Variants in OSBP2 observed in about 807,000 individuals in gnomAD.
OSBP2 encodes the protein oxysterol binding protein 2.
A neutral mutation model predicts 96.0 loss-of-function variants in OSBP2; 66 were observed. That is an observed-to-expected ratio of 0.69 (90% CI 0.56 to 0.84). OSBP2 has a LOEUF of 0.84. Ranked by LOEUF, OSBP2 falls within the 40% of genes least tolerant of loss-of-function variation. The pLI, the probability that OSBP2 is intolerant of heterozygous loss-of-function variation, is 0.00. For synonymous variants in OSBP2, 525 were observed against 520.9 expected, an observed-to-expected ratio of 1.01 and a Z score of -0.11; for missense variants, 1,038 against 1,222.7, an observed-to-expected ratio of 0.85 and a Z score of 2.25.
At chr22:30,706,751 C>G (rs1444759665) in intron 1 of OSBP2, among the ~76,000 whole-genome samples, 1 of 152,132 alleles carries the variant, frequency 6.6e-6, no homozygotes, top group Non-Finnish European at 1.5e-5. Flanking sequence ...CTTTGCAAGC[C>G]ACATGTGTTT....
At chr22:30,784,434 A>AT (rs901684332) in intron 2 of OSBP2, among the ~76,000 whole-genome samples, 14 of 150,976 alleles carry the variant, frequency 9.3e-5, no homozygotes, top group Admixed American at 2.0e-4. Flanking sequence ...AAAAAAAAAA[A>AT]TTTTTTTAAA....
chr22:30,890,782 T>G lies in OSBP2; in HGVS notation c.1678T>G (p.Tyr560Asp). ...CCAGCGGCTGACAGAGGACCTGGAG[T>G]ACCACCACCTGCTGGACAAGGCAGT... is the stretch of plus-strand genomic sequence containing the variant. ...MLQRLTEDLE[Y>D]HHLLDKAVHC... The change falls in exon 8 of 14, where the codon TAC becomes GAC. Residue 560 changes from tyrosine (Y) to aspartate (D), a missense_variant. Around this residue, in one of 3 missense-constraint regions of OSBP2, gnomAD observed 737 missense variants for 913.3 expected, o/e 0.81. Transcript: ENST00000332585. The surrounding 1 kb of genome is among the most constrained non-coding windows in gnomAD (Gnocchi z 4.4). 1 of 1,613,190 alleles carries G rather than the reference T, an allele frequency of 6.2e-7. No individual in the cohort carries two copies. Among genetic ancestry groups the G allele is most frequent in the Non-Finnish European group, 8.5e-7 (1 of 1,179,916 alleles).
At chr22:30,810,122 A>G (rs911567202) in intron 2 of OSBP2, among the ~76,000 whole-genome samples, 4 of 152,118 alleles carry the variant, frequency 2.6e-5, no homozygotes, top group Non-Finnish European at 5.9e-5. Context: ...ATATGGAGCT[A>G]TGGACATGGA....
intron 1 of OSBP2, among the ~76,000 whole-genome samples, chr22:30,709,516 T>C (rs551570668): frequency 6.6e-6 from 1 of 151,914 alleles, no homozygotes; most frequent in African/African-American, 2.4e-5. Context: ...TTTTGTTTGT[T>C]TGTTTTTTGT....
intron 2 of OSBP2, among the ~76,000 whole-genome samples, chr22:30,832,489 C>T (rs982960747): frequency 4.0e-5 from 6 of 151,714 alleles, no homozygotes; most frequent in Non-Finnish European, 7.4e-5. Context: ...TGGGGTTTTG[C>T]TATGTTGCCC....
intron 2 of OSBP2, among the ~76,000 whole-genome samples, chr22:30,758,526 G>A (rs1039894454): frequency 6.6e-6 from 1 of 152,206 alleles, no homozygotes; most frequent in Non-Finnish European, 1.5e-5. Flanking sequence ...CAGGTGGTGA[G>A]GTTACAATTT....
At position 30,768,628 on chromosome 22, in the gene OSBP2, G is replaced by T. The variant is rs2090308323; in HGVS notation, c.853+27259G>T. Among the ~76,000 whole-genome samples, 3 of 151,552 alleles carry T rather than the reference G, an allele frequency of 2.0e-5. No homozygotes were observed. The South Asian group carries it at 6.2e-4, about 31-fold the overall frequency. On this transcript the variant is annotated intron_variant, in intron 2 of 13. Coordinates refer to ENST00000332585, the MANE Select transcript of OSBP2 (RefSeq NM_030758.4). ...GGAGGCCCAGATTGCAGTGAGCCAA[G>T]ATCACACCATTGCACTCCAGCCTGG... is the stretch of plus-strand genomic sequence containing the variant.
intron 12 of OSBP2, 53 bp from the exon 13 acceptor site, chr22:30,905,784 G>C: frequency 1.2e-6 from 2 of 1,601,686 alleles, no homozygotes; most frequent in Non-Finnish European, 1.7e-6. Context: ...GGCCGGGTAG[G>C]TGTGGTCCGG....
At chr22:30,763,582 G>T (rs1422234688) in intron 2 of OSBP2, among the ~76,000 whole-genome samples, 1 of 149,652 alleles carries the variant, frequency 6.7e-6, no homozygotes, top group Admixed American at 6.7e-5. Context: ...GGAGGTGGAG[G>T]TTGCAGTGAG....
Position 30,906,045 on chromosome 22 carries a change from G to C in OSBP2, c.2584G>C (p.Gly862Arg). ...RRRRLEACGP[G>R]SSCSSEEEKE... ...CCGGCGGCTGGAGGCCTGCGGGCCG[G>C]GCAGCAGCTGCAGCTCGGAGGAAGG... Residue 862 changes from glycine (G) to arginine (R), a missense_variant, in exon 13 of 14, where the codon GGC becomes CGC. Coordinates refer to ENST00000332585, the MANE Select transcript of OSBP2 (RefSeq NM_030758.4). 1 of 1,565,114 alleles carries C rather than the reference G, an allele frequency of 6.4e-7. No homozygotes were observed.
At chr22:30,892,617 G>A (rs2039973299) in intron 8 of OSBP2, among the ~76,000 whole-genome samples, 1 of 152,126 alleles carries the variant, frequency 6.6e-6, no homozygotes, top group Non-Finnish European at 1.5e-5. Flanking sequence ...GGGAGGGCCG[G>A]GCCCGGGGCA....
intron 2 of OSBP2, among the ~76,000 whole-genome samples, chr22:30,753,511 G>C (rs767047848): frequency 7.2e-5 from 11 of 152,144 alleles, no homozygotes; most frequent in Non-Finnish European, 1.3e-4. Flanking sequence ...TTCCCTTGAA[G>C]CTGAGGGTAT....
At chr22:30,793,353 G>A (rs560252606) in intron 2 of OSBP2, among the ~76,000 whole-genome samples, 1 of 152,246 alleles carries the variant, frequency 6.6e-6, no homozygotes, top group South Asian at 2.1e-4. Context: ...TCACACCACT[G>A]CACTCCAGCC....
At chr22:30,872,406 C>T (rs972687912) in intron 3 of OSBP2, 6 of 456,198 alleles carry the variant, frequency 1.3e-5, no homozygotes, top group Middle Eastern at 3.2e-4. Context: ...AGATAATGAG[C>T]GTCTCAGCTG....
intron 2 of OSBP2, among the ~76,000 whole-genome samples, chr22:30,766,548 G>A (rs2090272632): frequency 6.6e-6 from 1 of 152,170 alleles, no homozygotes; most frequent in Admixed American, 6.5e-5. Context: ...TGGAGCCCGT[G>A]TAGTGCCAGT....
chr22:30,704,459 A>G (rs928817381), intron 1 of OSBP2, among the ~76,000 whole-genome samples: 1 of 151,958 alleles, frequency 6.6e-6, no homozygotes. Context: ...GGAGTTCGTC[A>G]TGTGGGCACC....
intron 2 of OSBP2, among the ~76,000 whole-genome samples, chr22:30,824,826 A>G (rs931257696): frequency 6.6e-6 from 1 of 152,196 alleles, no homozygotes; most frequent in Non-Finnish European, 1.5e-5. Context: ...GATGAGGTCC[A>G]GGCGGTGCCC....
At chr22:30,897,295 T>G (rs2040087338) in intron 12 of OSBP2, among the ~76,000 whole-genome samples, 1 of 152,236 alleles carries the variant, frequency 6.6e-6, no homozygotes, top group South Asian at 2.1e-4. Context: ...TGTACACCTC[T>G]TTCACTTGTT....
intron 2 of OSBP2, among the ~76,000 whole-genome samples, chr22:30,869,508 T>G (rs2039415456): frequency 6.6e-6 from 1 of 152,158 alleles, no homozygotes; most frequent in Non-Finnish European, 1.5e-5. Context: ...TGTTTTTGTT[T>G]GTTTGTTGTT....
Sources: allele counts gnomAD v4.1 joint callset (sites outside exome capture counted in the v4.1 genomes callset), GRCh38; gene constraint gnomAD v4.1.1; regional missense constraint gnomAD v4.1.1; non-coding constraint Gnocchi (gnomAD v3.1); transcripts MANE v1.5; gene names NCBI Gene and HGNC (gene_info 2026-07-23, HGNC 2026-07-21).